The following TBC1D2 variants were observed in gnomAD, a reference collection of about 807,000 sequenced individuals.
The protein encoded by TBC1D2 is TBC1 domain family member 2.
Under a neutral mutation model 91.1 loss-of-function variants are expected in TBC1D2, and 58 were observed. That is an observed-to-expected ratio of 0.64 (90% CI 0.52 to 0.79). The LOEUF (loss-of-function observed/expected upper bound fraction) is 0.79. Ranked by LOEUF, TBC1D2 falls within the 30% of genes least tolerant of loss-of-function variation. The pLI is 0.00. For missense variants in TBC1D2, 1,080 were observed against 1,208.3 expected (o/e 0.89, Z 1.57); for synonymous variants, 482 against 511.5 (o/e 0.94, Z 0.78).
intron 2 of TBC1D2, among the ~76,000 whole-genome samples, chr9:98,250,670 G>A (rs528759412): frequency 6.6e-6 from 1 of 152,302 alleles, no homozygotes; most frequent in Non-Finnish European, 1.5e-5. Context: ...AAGCACCCAG[G>A]TACAGAGGTC....
chr9:98,210,890 C>A lies in TBC1D2; in HGVS notation c.1486-47G>T, dbSNP rs924623009. 6 of 1,355,726 alleles carry A rather than the reference C, an allele frequency of 4.4e-6. No homozygotes were observed. The African/African-American group carries it at 9.1e-5, about 20-fold the overall frequency. The allele number at this position is 1,355,726 out of a possible 1,614,324, so 84.0% of individuals were successfully genotyped here. A position where few individuals can be genotyped will look rare whatever the true frequency, so the allele number is the denominator to read the frequency against. The stretch of plus-strand genomic sequence containing the variant: ...TCAGGCTACCGGGTGGGAGCTGGGC[C>A]GCCCCAGAGGCCTGAGGCCTGAACA... On this transcript the variant is annotated intron_variant, in intron 7 of 12. Transcript: ENST00000465784.
In TBC1D2 at chr9:98,208,901, G is replaced by C. The variant is rs1053478067; in HGVS notation, c.1917C>G (p.Val639=). The change falls in exon 9 of 13, where the codon GTC becomes GTG. Residue 639 remains valine (V), a synonymous_variant. Coordinates refer to ENST00000465784, the MANE Select transcript of TBC1D2 (RefSeq NM_001267571.2). ...TGTGCAGGTGCTGGACACGGAGGTGGACCAGCCACCTCCAGACACGAGGCC... is the reference window on the plus strand; with the variant it reads ...TGTGCAGGTGCTGGACACGGAGGTGCACCAGCCACCTCCAGACACGAGGCC... ...EHRPRVWRWL[V]HLRVQHLHTP... is the part of the protein sequence containing the mutation. 6.2e-7 allele frequency: 1 copy of C among 1,614,106 alleles called. No individual in the cohort carries two copies. Among genetic ancestry groups the C allele is most frequent in the East Asian group, 2.2e-5 (1 of 44,860 alleles).
chr9:98,250,331 G>T (rs1265318661), intron 2 of TBC1D2, among the ~76,000 whole-genome samples: 2 of 151,900 alleles, frequency 1.3e-5, no homozygotes, highest in Non-Finnish European at 2.9e-5. Context: ...CAGTGACCGG[G>T]TTCAGGGTCA....
At chr9:98,203,824 T>C (rs1828577252) in intron 9 of TBC1D2, among the ~76,000 whole-genome samples, 1 of 152,162 alleles carries the variant, frequency 6.6e-6, no homozygotes, top group African/African-American at 2.4e-5. Flanking sequence ...AAATGTTAGC[T>C]ATCCTCACCT....
At chr9:98,205,153 C>T (rs941969032) in intron 9 of TBC1D2, among the ~76,000 whole-genome samples, 9 of 152,316 alleles carry the variant, frequency 5.9e-5, no homozygotes, top group Middle Eastern at 3.4e-3. Context: ...AAACAGAACC[C>T]AGGGCTCCCA....
rs192033192 is a variant in TBC1D2, at chr9:98,199,448, C to T, written c.2720G>A (p.Arg907Gln). The T allele has an allele frequency of 2.0e-5, 32 of 1,614,098 alleles. No homozygotes were observed. Among genetic ancestry groups the T allele is most frequent in the East Asian group, 4.5e-5 (2 of 44,888 alleles). The change falls in exon 13 of 13, where the codon CGG (arginine) becomes CAG (glutamine). Residue 907 changes from arginine to glutamine, a missense_variant. By Grantham distance (43) the Arg-to-Gln change is conservative. Transcript: ENST00000465784. The part of the protein sequence containing the change: ...EQLKAEYLER[R>Q]ASRRRAVSEG... Reference sequence around the variant, plus strand: ...GGACACAGCTCTGCGCCGGGATGCCCGCCTCTCCAGGTACTCTGCCTTAAG... The same window carrying T: ...GGACACAGCTCTGCGCCGGGATGCCTGCCTCTCCAGGTACTCTGCCTTAAG...
chr9:98,233,679 T>G (rs1170148607), intron 3 of TBC1D2, 130 bp from the exon 4 acceptor site: 9 of 1,402,130 alleles, frequency 6.4e-6, no homozygotes, highest in Non-Finnish European at 7.7e-6. Context: ...TCTCCCAGAC[T>G]CCAGGCACCC....
At chr9:98,242,803 CTTTTTTTTTTT>C (rs36035887) in intron 3 of TBC1D2, among the ~76,000 whole-genome samples, 3 of 83,174 alleles carry the variant, frequency 3.6e-5, no homozygotes, top group South Asian at 4.2e-4. Flanking sequence ...ACACTGCTGC[CTTTTTTTTTTT>C]TTTTTTTTTT....
In TBC1D2 at chr9:98,199,982, C is replaced by T. The variant is rs144769370; in HGVS notation, c.2579+271G>A. ...CAAAGGTGGGGTTGTCCTAGGAACT[C>T]GTATAATTCTGTTTTCCAGGATCAC... On this transcript the variant is annotated intron_variant, in intron 12 of 12. Transcript: ENST00000465784. 6.6e-5 allele frequency among the ~76,000 whole-genome samples: 10 copies of T among 152,236 alleles called. No individual in the cohort carries two copies. The South Asian group carries it at 1.0e-3, about 16-fold the overall frequency.
chr9:98,251,697 G>A, intron 2 of TBC1D2, 88 bp downstream of exon 2: 1 of 1,450,330 alleles, frequency 6.9e-7, no homozygotes, highest in South Asian at 1.5e-5. Flanking sequence ...CTTAGCAGAG[G>A]GCTCCTCCCG....
At chr9:98,221,260 T>A in intron 5 of TBC1D2, 32 bp from the exon 6 acceptor site, 1 of 1,503,870 alleles carries the variant, frequency 6.6e-7, no homozygotes. Context: ...TCTTGTGAGC[T>A]CAGGGAGGGC....
rs1285757210 is a variant in TBC1D2 at position 98,255,413 on chromosome 9, C to T, written c.129G>A (p.Ala43=). The T allele has an allele frequency of 1.9e-6, 3 of 1,612,980 alleles. No homozygotes were observed. Among genetic ancestry groups the T allele is most frequent in the Non-Finnish European group, 2.5e-6 (3 of 1,179,200 alleles). ...AATACCCACAGAGTTTCTTGGGGAC[C>T]GCCTCCAGGGACCGGGCGCAGTCCC... ...ESGDCARSLE[A]VPKKLCGYLS... The change falls in exon 1 of 13, where the codon GCG becomes GCA. Residue 43 remains alanine (A), a synonymous_variant. Coordinates refer to ENST00000465784, the MANE Select transcript of TBC1D2 (RefSeq NM_001267571.2).
In TBC1D2 at chr9:98,255,338, C is replaced by T; in HGVS notation, c.204G>A (p.Trp68Ter). ...GACATTTCCTTTCGTCGTAGAAGAA[C>T]CAGCGGGATTTCCAGCCCCGGATGG... is the stretch of plus-strand genomic sequence containing the variant. The part of the protein sequence containing the change: ...KGPIRGWKSR[W>*]FFYDERKCQL... Residue 68 changes from tryptophan to a stop codon, truncating the protein, a stop_gained, in exon 1 of 13, where the codon TGG (tryptophan) becomes TGA (stop). Coordinates refer to ENST00000465784, the MANE Select transcript of TBC1D2 (RefSeq NM_001267571.2). LOFTEE classifies it high-confidence loss of function. 6.2e-7 allele frequency: 1 copy of T among 1,614,276 alleles called. No individual in the cohort carries two copies. The highest frequency in any genetic ancestry group is 8.5e-7 in the Non-Finnish European group (1 of 1,180,048).
Position 98,255,621 on chromosome 9 carries a change from T to C in TBC1D2, c.-80A>G. 1 of 1,404,876 alleles carries C rather than the reference T, an allele frequency of 7.1e-7. No individual in the cohort carries two copies. Among genetic ancestry groups the C allele is most frequent in the Non-Finnish European group, 9.2e-7 (1 of 1,083,392 alleles). 87.0% of individuals were successfully genotyped at this position (1,404,876 alleles called of 1,614,324 possible). A position where few individuals can be genotyped will look rare whatever the true frequency, so the allele number is the denominator to read the frequency against. On this transcript the variant is annotated 5_prime_UTR_variant, in exon 1 of 13. Transcript: ENST00000465784. ...AAATCTCGGAGACTCGGCGGGCAGC[T>C]TCCCAAAGGGAGACACCTGGGCGGG...
At position 98,238,023 on chromosome 9, in the gene TBC1D2, C is replaced by A. The variant is rs183399574; in HGVS notation, c.648-4474G>T. 3.6e-3 allele frequency among the ~76,000 whole-genome samples: 529 copies of A among 149,008 alleles called. 4 individuals carry two copies. The highest frequency in any genetic ancestry group is 0.013 in the African/African-American group (494 of 38,806). ...GGTTCAAGCGATTCTCCTGCCTCAG[C>A]CTCCCAAGTAGCTAGGATTACAGGA... On this transcript the variant is annotated intron_variant, in intron 3 of 12. Transcript: ENST00000465784.
At chr9:98,208,561 G>T in intron 9 of TBC1D2, 107 bp downstream of exon 9, 1 of 1,059,940 alleles carries the variant, frequency 9.4e-7, no homozygotes, top group Non-Finnish European at 1.3e-6. Flanking sequence ...CTCCTGCTGT[G>T]CGGCCCCTTA....
intron 9 of TBC1D2, among the ~76,000 whole-genome samples, chr9:98,204,883 A>G (rs12001270): frequency 0.11 from 16,301 of 152,222 alleles, 1,957 homozygotes; most frequent in African/African-American, 0.3. Context: ...GTCTGTGCCC[A>G]GGGCAGACAT....
chr9:98,240,314 C>T (rs1381135815), intron 3 of TBC1D2, among the ~76,000 whole-genome samples: 1 of 152,150 alleles, frequency 6.6e-6, no homozygotes, highest in Non-Finnish European at 1.5e-5. Context: ...AATTAGAACT[C>T]AGCACTCCCA....
intron 2 of TBC1D2, among the ~76,000 whole-genome samples, chr9:98,250,168 G>C (rs558558101): frequency 9.2e-5 from 14 of 152,300 alleles, no homozygotes; most frequent in African/African-American, 3.4e-4. Context: ...CTTGGCCATA[G>C]AGAATAAGCA....
Sources: allele counts gnomAD v4.1 joint callset (sites outside exome capture counted in the v4.1 genomes callset), GRCh38; gene constraint gnomAD v4.1.1; transcripts MANE v1.5; gene names NCBI Gene and HGNC (gene_info 2026-07-23, HGNC 2026-07-21).